The following RNF168 variants were observed in gnomAD, a reference collection of about 807,000 sequenced individuals.
RNF168 encodes the protein ring finger protein 168, also known as E3 ubiquitin-protein ligase RNF168.
RNF168 carries 34 observed loss-of-function variants against 34.9 expected under a neutral mutation model. The observed-to-expected ratio is 0.97, with a 90% CI of 0.74 to 1.30. The LOEUF (loss-of-function observed/expected upper bound fraction) is 1.30, where lower values mean the gene tolerates loss of function less well. RNF168 is among the 50% of genes most tolerant of loss of function. RNF168 has a pLI of 0.00. For synonymous variants in RNF168, 264 were observed against 254.7 expected (o/e 1.04, Z -0.35); for missense variants, 725 against 682.5 (o/e 1.06, Z -0.69).
At chr3:196,477,000 G>C (rs145254983) in intron 4 of RNF168, among the ~76,000 whole-genome samples, 1 of 152,030 alleles carries the variant, frequency 6.6e-6, no homozygotes, top group Admixed American at 6.6e-5. Context: ...CGCCTGCCTC[G>C]GCCTCCCTAA....
rs188818930 is a variant in RNF168, at chr3:196,476,473, T to A, written c.681-1161A>T. Among the ~76,000 whole-genome samples the A allele has an allele frequency of 3.3e-3, 493 of 151,364 alleles. 1 individual carries two copies. Among genetic ancestry groups the A allele is most frequent in the African/African-American group, 0.011 (441 of 41,230 alleles). ...GCTCTGTCACCCAGGCTGGAGTGCA[T>A]TGGTGCAATCTCGGCTCACTGCAAC... On this transcript the variant is annotated intron_variant, in intron 4 of 5. Coordinates refer to ENST00000318037, the MANE Select transcript of RNF168 (RefSeq NM_152617.4).
intron 4 of RNF168, among the ~76,000 whole-genome samples, chr3:196,478,350 C>G (rs1732197958): frequency 6.6e-6 from 1 of 152,154 alleles, no homozygotes; most frequent in Non-Finnish European, 1.5e-5. Flanking sequence ...AAGCTTTGGC[C>G]AAAGGGGGCC....
intron 4 of RNF168, 51 bp from the exon 5 acceptor site, chr3:196,475,363 G>A (rs772603692): frequency 1.9e-6 from 2 of 1,039,930 alleles, no homozygotes; most frequent in African/African-American, 1.6e-5. Flanking sequence ...CAGATGGTAT[G>A]TACCCAACAT....
rs1732942334 is a variant in RNF168 at position 196,503,051 on chromosome 3, C to CT, written c.122dup (p.Ser42ValfsTer50). 2.5e-6 allele frequency: 4 copies of CT among 1,614,178 alleles called. No homozygotes were observed. Among genetic ancestry groups the CT allele is most frequent in the African/African-American group, 1.3e-5 (1 of 75,034 alleles). Reference sequence around the variant, plus strand: ...ATAAACTCGCCTTTTCGACGGTCGACTGGAAGCACGGTTTACACAGCGTGT... The same window carrying CT: ...ATAAACTCGCCTTTTCGACGGTCGACTTGGAAGCACGGTTTACACAGCGTGT... On this transcript the variant is annotated frameshift_variant, in exon 1 of 6. Transcript: ENST00000318037. LOFTEE classifies it high-confidence loss of function.
chr3:196,493,856 T>A (rs1732670906), intron 1 of RNF168, among the ~76,000 whole-genome samples: 1 of 127,928 alleles, frequency 7.8e-6, no homozygotes, highest in Non-Finnish European at 1.6e-5. Flanking sequence ...TTTAAATTTA[T>A]TTTTTTTTTT....
intron 1 of RNF168, among the ~76,000 whole-genome samples, chr3:196,494,999 G>A (rs1732703642): frequency 6.6e-6 from 1 of 152,118 alleles, no homozygotes; most frequent in African/African-American, 2.4e-5. Context: ...TTCCAGCCTG[G>A]GCGACTAAGT....
In RNF168 at chr3:196,470,930, C is replaced by G. The variant is rs1731982293; in HGVS notation, c.*889G>C. On this transcript the variant is annotated 3_prime_UTR_variant, in exon 6 of 6. Coordinates refer to ENST00000318037, the MANE Select transcript of RNF168 (RefSeq NM_152617.4). ...TGGTGGCTCACGCCTATAATCCCAG[C>G]ACTCTGGGAGGCCGAAGCAGGTGGA... The G allele has an allele frequency of 6.6e-6, 1 of 152,116 alleles. No individual in the cohort carries two copies. The highest frequency in any genetic ancestry group is 2.4e-5 in the African/African-American group (1 of 41,318). The allele number at this position is 152,116 out of a possible 1,614,324, so 9.4% of individuals were successfully genotyped here.
At chr3:196,498,523 A>C (rs905476801) in intron 1 of RNF168, among the ~76,000 whole-genome samples, 28 of 152,182 alleles carry the variant, frequency 1.8e-4, no homozygotes, top group Non-Finnish European at 2.9e-5. Context: ...CCCTGAAAAC[A>C]TAAGGCCACA....
At chr3:196,492,547 A>T (rs936075801) in intron 1 of RNF168, among the ~76,000 whole-genome samples, 1 of 152,180 alleles carries the variant, frequency 6.6e-6, no homozygotes, top group Non-Finnish European at 1.5e-5. Context: ...AGGTGGAGGC[A>T]GGCGGATCAC....
chr3:196,471,742 T>C lies in RNF168; in HGVS notation c.*77A>G. 6 of 953,028 alleles carry C rather than the reference T, an allele frequency of 6.3e-6. No individual in the cohort carries two copies. Among genetic ancestry groups the C allele is most frequent in the Non-Finnish European group, 1.0e-5 (6 of 581,842 alleles). The allele number at this position is 953,028 out of a possible 1,614,324, so 59.0% of individuals were successfully genotyped here. Reference sequence around the variant, plus strand: ...CCTAGAGAGCAGCATGAATGACACATGGATGAAGATTCCATGATAGGAAAG... The same window carrying C: ...CCTAGAGAGCAGCATGAATGACACACGGATGAAGATTCCATGATAGGAAAG... On this transcript the variant is annotated 3_prime_UTR_variant, in exon 6 of 6. Coordinates refer to ENST00000318037, the MANE Select transcript of RNF168 (RefSeq NM_152617.4).
Position 196,475,273 on chromosome 3 carries a change from G to A in RNF168, c.720C>T (p.His240=), listed in dbSNP as rs1457948497. The A allele has an allele frequency of 6.8e-6, 11 of 1,611,384 alleles. No individual in the cohort carries two copies. Among genetic ancestry groups the A allele is most frequent in the Non-Finnish European group, 8.5e-6 (10 of 1,177,492 alleles). Residue 240 remains histidine (H), a synonymous_variant, in exon 5 of 6, where the codon CAC becomes CAT. Coordinates refer to ENST00000318037, the MANE Select transcript of RNF168 (RefSeq NM_152617.4). ...TPKSQFGSAS[H]SEAVQEVRKD... ...TCCTGACTTCTTGTACAGCTTCAGA[G>A]TGTGAGGCTGACCCAAACTGAGATT...
At chr3:196,479,019 ATTT>A (rs1045778969) in intron 4 of RNF168, among the ~76,000 whole-genome samples, 1 of 135,024 alleles carries the variant, frequency 7.4e-6, no homozygotes, top group Non-Finnish European at 1.6e-5. Context: ...TATTTTATTT[ATTT>A]TTTTTTGAGA....
intron 1 of RNF168, among the ~76,000 whole-genome samples, chr3:196,496,045 AT>A (rs1475335305): frequency 6.6e-6 from 1 of 152,234 alleles, no homozygotes; most frequent in Non-Finnish European, 1.5e-5. Context: ...TTTATGTATT[AT>A]GTGTTAACAA....
At chr3:196,483,676 A>G (rs1038788725) in intron 4 of RNF168, 94 bp downstream of exon 4, 2 of 1,092,462 alleles carry the variant, frequency 1.8e-6, no homozygotes, top group African/African-American at 3.1e-5. Context: ...AAGTTCACGG[A>G]CCAAACTTTG....
chr3:196,473,477 T>C (rs1310908590), intron 5 of RNF168, among the ~76,000 whole-genome samples: 1 of 152,214 alleles, frequency 6.6e-6, no homozygotes, highest in Non-Finnish European at 1.5e-5. Flanking sequence ...ACCCCTGATG[T>C]AGTACACCCA....
Position 196,472,761 on chromosome 3 carries a change from A to G in RNF168, c.774T>C (p.Ser258=), listed in dbSNP as rs376549964. 7 of 1,602,390 alleles carry G rather than the reference A, an allele frequency of 4.4e-6. No homozygotes were observed. In the African/African-American group the frequency reaches 8.0e-5, roughly 18 times the overall value. The change falls in exon 6 of 6, where the codon AGT becomes AGC. Residue 258 remains serine, a synonymous_variant. Transcript: ENST00000318037. ...RKDSVSKDID[S]SDRKSPTGQD... is the part of the protein sequence containing the mutation. ...GCCCTGTTGGGCTTTTCCTATCACT[A>G]CTGTCAATGTCCTGTAGAAAACAGA...
intron 4 of RNF168, among the ~76,000 whole-genome samples, chr3:196,477,143 G>A (rs1357432156): frequency 2.6e-5 from 4 of 152,194 alleles, no homozygotes; most frequent in Non-Finnish European, 5.9e-5. Context: ...TAAAAGAACG[G>A]GGAATAGAAA....
At chr3:196,490,303 T>G (rs191240964) in intron 1 of RNF168, among the ~76,000 whole-genome samples, 1 of 151,534 alleles carries the variant, frequency 6.6e-6, no homozygotes, top group Non-Finnish European at 1.5e-5. Context: ...AACAAGACAC[T>G]GTTTTATAAA....
intron 4 of RNF168, among the ~76,000 whole-genome samples, chr3:196,480,466 G>C (rs965078504): frequency 6.6e-6 from 1 of 152,168 alleles, no homozygotes; most frequent in Non-Finnish European, 1.5e-5. Context: ...GATTAGTATT[G>C]TGTGATTCTG....
Sources: gnomAD v4.1 joint callset for allele counts (sites outside exome capture counted in the v4.1 genomes callset) on GRCh38, gnomAD v4.1.1 for gene constraint, MANE v1.5 for transcripts, NCBI Gene and HGNC (gene_info 2026-07-23, HGNC 2026-07-21) for gene names.